RBFOX1: variants seen among roughly 807,000 people sequenced by gnomAD.
RBFOX1 encodes the protein RNA binding protein fox-1 homolog 1.
RBFOX1 carries 8 observed loss-of-function variants against 57.7 expected under a neutral mutation model. That is an observed-to-expected ratio of 0.14 (90% CI 0.08 to 0.25). The LOEUF (loss-of-function observed/expected upper bound fraction) is 0.25. RBFOX1 is among the 10% of genes least tolerant of loss of function. The pLI is 1.00. For missense variants in RBFOX1, 611 were observed against 548.5 expected, an observed-to-expected ratio of 1.11 and a Z score of -1.14; for synonymous variants, 326 against 222.4, an observed-to-expected ratio of 1.47 and a Z score of -4.15.
intron 4 of RBFOX1, among the ~76,000 whole-genome samples, chr16:5,878,588 G>A (rs752894458): frequency 6.6e-6 from 1 of 152,144 alleles, no homozygotes; most frequent in Non-Finnish European, 1.5e-5. Flanking sequence ...GATAAATGTT[G>A]CTGATACACT....
At chr16:7,271,046 C>T (rs1039689094) in intron 4 of RBFOX1, among the ~76,000 whole-genome samples, 2 of 152,114 alleles carry the variant, frequency 1.3e-5, no homozygotes, top group South Asian at 2.1e-4. Context: ...TTAAGCCTCT[C>T]TTATTTTGCT....
At chr16:6,692,291 T>C (rs2060312640) in intron 3 of RBFOX1, among the ~76,000 whole-genome samples, 1 of 144,590 alleles carries the variant, frequency 6.9e-6, no homozygotes, top group South Asian at 2.2e-4. Flanking sequence ...TTTGGATTCA[T>C]ACCTCTCTAA....
rs550694419 is a variant in RBFOX1 at position 7,690,279 on chromosome 16, TCAA to T, written c.995+13445_995+13447del. Among the ~76,000 whole-genome samples, 71 of 152,200 alleles carry T rather than the reference TCAA, an allele frequency of 4.7e-4. 1 individual carries two copies. The highest frequency in any genetic ancestry group is 3.7e-3 in the South Asian group (18 of 4,826). On this transcript the variant is annotated intron_variant, in intron 14 of 15. Transcript: ENST00000550418. ...GCAGCCAAGGTGAGGACCATTCACC[TCAA>T]CAAGTGATTTTCAAACGAAGAACGT...
At chr16:6,232,198 G>C (rs1443880565) in intron 1 of RBFOX1, among the ~76,000 whole-genome samples, 1 of 152,160 alleles carries the variant, frequency 6.6e-6, no homozygotes, top group African/African-American at 2.4e-5. Flanking sequence ...GCAGAGAAGT[G>C]GTTTGCTTCC....
At chr16:6,350,263 C>G (rs1477482224) in intron 2 of RBFOX1, among the ~76,000 whole-genome samples, 1 of 151,442 alleles carries the variant, frequency 6.6e-6, no homozygotes, top group East Asian at 1.9e-4. Flanking sequence ...ATGGAGAAAC[C>G]CTGTCTCTAC....
At chr16:6,911,781 TATAGA>T (rs1329641674) in intron 3 of RBFOX1, among the ~76,000 whole-genome samples, 2 of 152,218 alleles carry the variant, frequency 1.3e-5, no homozygotes, top group Admixed American at 6.5e-5. Context: ...TGTTTCCACT[TATAGA>T]AGAGATCTAT....
At chr16:7,550,251 CTTT>C (rs35299614) in intron 5 of RBFOX1, among the ~76,000 whole-genome samples, 2 of 147,718 alleles carry the variant, frequency 1.4e-5, no homozygotes, top group African/African-American at 2.5e-5. Flanking sequence ...CCTCCAGAGT[CTTT>C]TTTTTTTTTG....
At chr16:7,135,189 T>G (rs1404932472) in intron 4 of RBFOX1, among the ~76,000 whole-genome samples, 1 of 152,188 alleles carries the variant, frequency 6.6e-6, no homozygotes, top group Admixed American at 6.5e-5. Context: ...GTTTCCTCAG[T>G]GTATTTCATG....
intron 5 of RBFOX1, among the ~76,000 whole-genome samples, chr16:7,576,560 A>C (rs1464620982): frequency 6.6e-6 from 1 of 152,176 alleles, no homozygotes; most frequent in Non-Finnish European, 1.5e-5. Flanking sequence ...GTTTATACGC[A>C]TTTGTATATA....
chr16:5,663,350 A>T (rs2049719947), intron 3 of RBFOX1, among the ~76,000 whole-genome samples: 1 of 150,814 alleles, frequency 6.6e-6, no homozygotes, highest in Non-Finnish European at 1.5e-5. Flanking sequence ...GACCACAGGC[A>T]CATGCCACCA....
rs539788481 is a variant in RBFOX1, at chr16:7,679,009, G to A, written c.995+2171G>A. 3.3e-5 allele frequency among the ~76,000 whole-genome samples: 5 copies of A among 152,212 alleles called. No individual in the cohort carries two copies. In the South Asian group the frequency reaches 6.2e-4, roughly 19 times the overall value. On this transcript the variant is annotated intron_variant, in intron 14 of 15. Transcript: ENST00000550418. ...GAAATTTGCACATTTGGTCTTCTTG[G>A]TTGCTGTGGAAATTGATAACTATTC...
At position 7,676,851 on chromosome 16, in the gene RBFOX1, C is replaced by T. The variant is rs550588356; in HGVS notation, c.995+13C>T. On this transcript the variant is annotated intron_variant, in intron 14 of 15. Transcript: ENST00000550418. ...CCTACAGTGACAGGTAAGGGTCATC[C>T]TTCTTGTGCTTGACAACTACTTGTA... The T allele has an allele frequency of 1.9e-6, 3 of 1,604,526 alleles. No homozygotes were observed. Among genetic ancestry groups the T allele is most frequent in the Admixed American group, 1.7e-5 (1 of 59,928 alleles).
rs78328817 is a variant in RBFOX1, at chr16:5,349,301, A to G, written c.219+109196A>G. Among the ~76,000 whole-genome samples the G allele has an allele frequency of 6.9e-3, 1,058 of 152,268 alleles. 17 individuals are homozygous for G. The highest frequency in any genetic ancestry group is 0.024 in the African/African-American group (1,013 of 41,532). On this transcript the variant is annotated intron_variant, in intron 1 of 2. Coordinates refer to the RBFOX1 transcript ENST00000585867. Reference sequence around the variant, plus strand: ...GGGGAGTTTCTGTTCATGGGTACAAAGTTTCAGTTATGCAAGATGCATATG... The same window carrying G: ...GGGGAGTTTCTGTTCATGGGTACAAGGTTTCAGTTATGCAAGATGCATATG...
intron 1 of RBFOX1, among the ~76,000 whole-genome samples, chr16:6,083,621 C>A (rs569246791): frequency 6.6e-6 from 1 of 152,062 alleles, no homozygotes; most frequent in Non-Finnish European, 1.5e-5. Flanking sequence ...GGACCACAGA[C>A]GTGCGCCACC....
chr16:5,293,888 G>C (rs2063596816), intron 1 of RBFOX1, among the ~76,000 whole-genome samples: 2 of 152,162 alleles, frequency 1.3e-5, no homozygotes, highest in South Asian at 4.1e-4. Context: ...TGATACTGAA[G>C]TGTATGCTTT....
intron 4 of RBFOX1, among the ~76,000 whole-genome samples, chr16:7,462,156 G>A (rs1013258819): frequency 2.6e-5 from 4 of 152,210 alleles, no homozygotes; most frequent in Non-Finnish European, 5.9e-5. Flanking sequence ...CTCCTGCCCA[G>A]CCTTCGGAGG....
At chr16:7,069,494 A>T (rs1476701837) in intron 4 of RBFOX1, among the ~76,000 whole-genome samples, 1 of 152,196 alleles carries the variant, frequency 6.6e-6, no homozygotes, top group African/African-American at 2.4e-5. Flanking sequence ...AATGGCTTCC[A>T]GCTTCATCTA....
intron 2 of RBFOX1, among the ~76,000 whole-genome samples, chr16:5,563,018 T>C (rs1597543810): frequency 6.6e-6 from 1 of 152,118 alleles, no homozygotes. Flanking sequence ...GGTATAATCT[T>C]GGCTCACTGC....
At chr16:6,025,367 A>G (rs2095170159) in intron 1 of RBFOX1, among the ~76,000 whole-genome samples, 1 of 152,212 alleles carries the variant, frequency 6.6e-6, no homozygotes, top group Admixed American at 6.5e-5. Context: ...ATTACTTTAT[A>G]GGGAAAAAGA....
Sources: allele counts gnomAD v4.1 joint callset (sites outside exome capture counted in the v4.1 genomes callset), GRCh38; gene constraint gnomAD v4.1.1; transcripts MANE v1.5; gene names NCBI Gene and HGNC (gene_info 2026-07-23, HGNC 2026-07-21).